SEC63: variants seen among roughly 807,000 people sequenced by gnomAD.
SEC63 encodes translocation protein SEC63 homolog.
SEC63 carries 56 observed loss-of-function variants against 116.2 expected under a neutral mutation model. The ratio of observed to expected loss-of-function variants is 0.48; its 90% confidence interval spans 0.39 to 0.60. The LOEUF is 0.60. Among genes scored for constraint, SEC63 ranks in the 20% least tolerant of loss-of-function variants. The pLI is 0.00. For missense variants in SEC63, 668 were observed against 900.0 expected (o/e 0.74, Z 3.30); for synonymous variants, 273 against 294.6 (o/e 0.93, Z 0.75).
At chr6:107,921,040 C>T (rs1342375192) in intron 4 of SEC63, among the ~76,000 whole-genome samples, 1 of 152,090 alleles carries the variant, frequency 6.6e-6, no homozygotes, top group Non-Finnish European at 1.5e-5. Flanking sequence ...TCAACAAGTA[C>T]AGTTGTTATT....
chr6:107,875,260 C>T (rs766463589), intron 19 of SEC63, among the ~76,000 whole-genome samples: 1 of 152,152 alleles, frequency 6.6e-6, no homozygotes, highest in Non-Finnish European at 1.5e-5. Flanking sequence ...AAAATACACA[C>T]GCGTGCATGT....
At chr6:107,918,672 ACAGAGTGAGACTCCATCT>A (rs1324658630) in intron 4 of SEC63, among the ~76,000 whole-genome samples, 1 of 150,842 alleles carries the variant, frequency 6.6e-6, no homozygotes, top group African/African-American at 2.4e-5. Context: ...AGCCTGGGCA[ACAGAGTGAGACTCCATCT>A]CAAAAAAAAA....
chr6:107,950,451 C>T (rs73502591), intron 1 of SEC63, among the ~76,000 whole-genome samples: 5,919 of 152,212 alleles, frequency 0.039, 362 homozygotes, highest in African/African-American at 0.14. Context: ...GCTCACTACC[C>T]TACAGCAGCA....
At chr6:107,951,301 G>C (rs1029351933) in intron 1 of SEC63, among the ~76,000 whole-genome samples, 1 of 152,164 alleles carries the variant, frequency 6.6e-6, no homozygotes, top group Non-Finnish European at 1.5e-5. Flanking sequence ...TACTCTGGAA[G>C]CCATTAATAG....
chr6:107,953,716 C>T (rs1384163056), intron 1 of SEC63, among the ~76,000 whole-genome samples: 2 of 140,710 alleles, frequency 1.4e-5, no homozygotes, highest in Non-Finnish European at 1.6e-5. Context: ...GCCCCCTGCC[C>T]GGCCAGCCGC....
intron 13 of SEC63, among the ~76,000 whole-genome samples, chr6:107,900,773 C>T (rs548591830): frequency 1.3e-5 from 2 of 152,276 alleles, no homozygotes; most frequent in South Asian, 4.1e-4. Flanking sequence ...AGACCACCAC[C>T]ACAATGAAAG....
At position 107,893,465 on chromosome 6, in the gene SEC63, G is replaced by C. The variant is rs542085081; in HGVS notation, c.1674+17C>G. ...ATTTTAGCTTAATAATGATAATAAC[G>C]ATAATAATAAACTTACATTCCCAAC... On this transcript the variant is annotated intron_variant, in intron 16 of 20. Transcript: ENST00000369002. The C allele has an allele frequency of 6.2e-7, 1 of 1,605,370 alleles. No individual in the cohort carries two copies. The highest frequency in any genetic ancestry group is 8.5e-7 in the Non-Finnish European group (1 of 1,174,148).
Position 107,873,047 on chromosome 6 carries a change from TA to T in SEC63, c.2035-136del, listed in dbSNP as rs550295860. The T allele has an allele frequency of 4.3e-3, 2,862 of 673,150 alleles. 18 individuals are homozygous for T. Among genetic ancestry groups the T allele is most frequent in the South Asian group, 5.8e-3 (352 of 61,018 alleles). 41.7% of individuals were successfully genotyped at this position (673,150 alleles called of 1,614,324 possible). ...TACAGAAAGTCCTAATAAATGTTACTAAAGTCCTTATAAACAATAATAAAAA... is the reference window on the plus strand; with the variant it reads ...TACAGAAAGTCCTAATAAATGTTACTAAGTCCTTATAAACAATAATAAAAA... On this transcript the variant is annotated intron_variant, in intron 19 of 20. Coordinates refer to ENST00000369002, the MANE Select transcript of SEC63 (RefSeq NM_007214.5).
intron 1 of SEC63, among the ~76,000 whole-genome samples, chr6:107,946,778 C>T (rs902853268): frequency 3.3e-5 from 5 of 151,916 alleles, no homozygotes; most frequent in South Asian, 2.1e-4. Context: ...CTGAGGCGGG[C>T]GGATCATCTG....
At chr6:107,872,982 A>G in intron 19 of SEC63, 70 bp from the exon 20 acceptor site, 1 of 969,456 alleles carries the variant, frequency 1.0e-6, no homozygotes, top group South Asian at 1.4e-5. Flanking sequence ...TAAAATTCCT[A>G]GACCACAGTA....
chr6:107,921,433 T>A (rs1430487816), intron 4 of SEC63, among the ~76,000 whole-genome samples: 1 of 151,972 alleles, frequency 6.6e-6, no homozygotes, highest in Non-Finnish European at 1.5e-5. Flanking sequence ...TTTAATATTT[T>A]ATTAAAACAG....
At chr6:107,917,568 T>A (rs1483388110) in intron 4 of SEC63, among the ~76,000 whole-genome samples, 1 of 152,230 alleles carries the variant, frequency 6.6e-6, no homozygotes, top group African/African-American at 2.4e-5. Context: ...AGGCCTCTTG[T>A]GCCAGACAGT....
rs553126992 is a variant in SEC63, at chr6:107,924,080, T to C, written c.339+738A>G. ...GAGATTGAGACCATCCTGGCTAACA[T>C]GGTGAAACCCCATCTCTACTAAAAA... On this transcript the variant is annotated intron_variant, in intron 3 of 20. Transcript: ENST00000369002. Among the ~76,000 whole-genome samples the C allele has an allele frequency of 1.8e-4, 27 of 151,064 alleles. No homozygotes were observed. The East Asian group carries it at 3.8e-3, about 21-fold the overall frequency.
chr6:107,941,730 G>C (rs1770380004), intron 1 of SEC63, among the ~76,000 whole-genome samples: 1 of 152,222 alleles, frequency 6.6e-6, no homozygotes, highest in African/African-American at 2.4e-5. Flanking sequence ...TCCAGCAACT[G>C]ACTTCCCAAG....
At chr6:107,909,110 G>A (rs1193244047) in intron 7 of SEC63, 75 bp from the exon 8 acceptor site, 3 of 1,025,750 alleles carry the variant, frequency 2.9e-6, no homozygotes, top group Non-Finnish European at 4.5e-6. Flanking sequence ...GCTCATTCCT[G>A]TAATCCCAGC....
chr6:107,921,226 C>G (rs1787548669), intron 4 of SEC63, among the ~76,000 whole-genome samples: 2 of 151,894 alleles, frequency 1.3e-5, no homozygotes, highest in African/African-American at 4.8e-5. Context: ...ATGGTAAGAT[C>G]TAAGTATACC....
In SEC63 at chr6:107,913,679, T is replaced by C. The variant is rs581619; in HGVS notation, c.453-252A>G. ...CATGGTTCTCAAGCTTAACCAGTTC[T>C]CATGTTCAACCAGATGGTTCTCAGT... On this transcript the variant is annotated intron_variant, in intron 4 of 20. Coordinates refer to ENST00000369002, the MANE Select transcript of SEC63 (RefSeq NM_007214.5). Among the ~76,000 whole-genome samples, 1,255 of 152,282 alleles carry C rather than the reference T, an allele frequency of 8.2e-3. 20 individuals are homozygous for C. The highest frequency in any genetic ancestry group is 0.029 in the African/African-American group (1,197 of 41,556).
At chr6:107,944,725 A>G (rs959564335) in intron 1 of SEC63, among the ~76,000 whole-genome samples, 1 of 76,376 alleles carries the variant, frequency 1.3e-5, no homozygotes, top group African/African-American at 4.8e-5. Context: ...AAAATAAAGA[A>G]GTCTAGCCTG....
rs528463141 is a variant in SEC63 at position 107,872,144 on chromosome 6, C to G, written c.2140-297G>C. On this transcript the variant is annotated intron_variant, in intron 20 of 20. Transcript: ENST00000369002. ...GCATAAAATAATTGTGATTCTTGAG[C>G]AAGAACACTGAGTCATATCTTAACA... Among the ~76,000 whole-genome samples the G allele has an allele frequency of 1.1e-3, 169 of 152,190 alleles. 2 individuals are homozygous for G. The highest frequency in any genetic ancestry group is 4.0e-3 in the African/African-American group (166 of 41,562).
Sources: allele counts gnomAD v4.1 joint callset (sites outside exome capture counted in the v4.1 genomes callset), GRCh38; gene constraint gnomAD v4.1.1; transcripts MANE v1.5; gene names NCBI Gene and HGNC (gene_info 2026-07-23, HGNC 2026-07-21).